STIM2: variants seen among roughly 807,000 people sequenced by gnomAD.
STIM2 encodes the protein stromal interaction molecule 2.
Under a neutral mutation model 85.8 loss-of-function variants are expected in STIM2, and 31 were observed. The ratio of observed to expected loss-of-function variants is 0.36; its 90% CI spans 0.27 to 0.49. STIM2 has a LOEUF of 0.49. Among genes scored for constraint, STIM2 ranks in the 20% least tolerant of loss-of-function variants. STIM2 has a pLI of 0.98. For missense variants in STIM2, 841 were observed against 927.6 expected (o/e 0.91, Z 1.21); for synonymous variants, 356 against 331.1 (o/e 1.08, Z -0.82).
At position 27,002,980 on chromosome 4, in the gene STIM2, T is replaced by C; in HGVS notation, c.857T>C (p.Leu286Ser). 2 of 1,601,380 alleles carry C rather than the reference T, an allele frequency of 1.2e-6. No individual in the cohort carries two copies. Among genetic ancestry groups the C allele is most frequent in the Non-Finnish European group, 1.7e-6 (2 of 1,175,668 alleles). Residue 286 changes from leucine to serine, a missense_variant, in exon 7 of 12, where the codon TTA becomes TCA. Around this residue, in one of 3 missense-constraint regions of STIM2, gnomAD observed 408 missense variants for 525.4 expected, o/e 0.78. Coordinates refer to ENST00000467087, the MANE Select transcript of STIM2 (RefSeq NM_020860.4). ...AATGTTGCTGTAGAAAAGCAAAATTTAGAGCGCAAAATGATGGATGAAATC... is the reference window on the plus strand; with the variant it reads ...AATGTTGCTGTAGAAAAGCAAAATTCAGAGCGCAAAATGATGGATGAAATC...
rs1305991597 is a variant in STIM2, at chr4:27,021,249, C to T, written c.1764-1270C>T. On this transcript the variant is annotated intron_variant, in intron 11 of 11. Coordinates refer to ENST00000467087, the MANE Select transcript of STIM2 (RefSeq NM_020860.4). ...CTTGTCCTTATTTATTTCTTTTTTT[C>T]TGGGATTCTGCCTATAAACAAGTTA... The T allele has an allele frequency of 8.9e-6, 5 of 559,126 alleles. No individual in the cohort carries two copies. In the East Asian group the frequency reaches 1.2e-4, roughly 14 times the overall value. 34.6% of individuals were successfully genotyped at this position (559,126 alleles called of 1,614,324 possible). A position where few individuals can be genotyped will look rare whatever the true frequency, so the allele number is the denominator to read the frequency against.
At chr4:26,982,358 T>C (rs1049051580) in intron 3 of STIM2, among the ~76,000 whole-genome samples, 1 of 152,212 alleles carries the variant, frequency 6.6e-6, no homozygotes, top group Non-Finnish European at 1.5e-5. Flanking sequence ...ATTTTGATGC[T>C]CAAATTGTCC....
At chr4:26,940,269 C>T (rs537897980) in intron 2 of STIM2, among the ~76,000 whole-genome samples, 5 of 152,202 alleles carry the variant, frequency 3.3e-5, no homozygotes, top group South Asian at 2.1e-4. Context: ...TGTATGTTTT[C>T]GGTAAGATTT....
intron 3 of STIM2, among the ~76,000 whole-genome samples, chr4:26,981,795 A>G (rs1727406079): frequency 6.6e-6 from 1 of 152,152 alleles, no homozygotes; most frequent in East Asian, 1.9e-4. Flanking sequence ...CAGGTTATGC[A>G]TTTTGGGCTG....
intron 1 of STIM2, among the ~76,000 whole-genome samples, chr4:26,898,413 G>T (rs1168627013): frequency 2.0e-5 from 3 of 152,024 alleles, no homozygotes; most frequent in Non-Finnish European, 4.4e-5. Context: ...TTGATCAGTG[G>T]GTTCAGGTAT....
intron 3 of STIM2, among the ~76,000 whole-genome samples, chr4:26,962,559 A>AGTGTGTGTGT (rs34301656): frequency 2.1e-5 from 3 of 142,618 alleles, no homozygotes; most frequent in African/African-American, 7.8e-5. Context: ...ACTTTAATGC[A>AGTGTGTGTGT]GTGTGTGTGT....
intron 3 of STIM2, among the ~76,000 whole-genome samples, chr4:26,977,486 G>T (rs1289736350): frequency 6.6e-6 from 1 of 152,148 alleles, no homozygotes; most frequent in Non-Finnish European, 1.5e-5. Flanking sequence ...GAGGAGAAGG[G>T]GTCAGGAGTA....
At chr4:26,895,612 C>T (rs540735666) in intron 1 of STIM2, among the ~76,000 whole-genome samples, 2 of 152,120 alleles carry the variant, frequency 1.3e-5, no homozygotes, top group East Asian at 3.9e-4. Flanking sequence ...TGTCCATAAC[C>T]CAGTTTCATC....
At chr4:26,956,508 A>G (rs1478044607) in intron 2 of STIM2, among the ~76,000 whole-genome samples, 4 of 151,112 alleles carry the variant, frequency 2.6e-5, no homozygotes, top group African/African-American at 4.9e-5. Flanking sequence ...CAGTGGTGCA[A>G]TCATAGCTCA....
chr4:26,917,158 G>C (rs779807529), intron 1 of STIM2, among the ~76,000 whole-genome samples: 3 of 152,120 alleles, frequency 2.0e-5, no homozygotes, highest in Admixed American at 6.5e-5. Flanking sequence ...AAGCTTAATC[G>C]AGTACAGCAT....
intron 2 of STIM2, among the ~76,000 whole-genome samples, chr4:26,944,437 G>A (rs1440986134): frequency 6.6e-6 from 1 of 152,240 alleles, no homozygotes; most frequent in East Asian, 1.9e-4. Flanking sequence ...TGCTCTCTGA[G>A]GGTAGGGATT....
At chr4:26,881,465 C>CA (rs33990831) in intron 1 of STIM2, 30,332 of 121,018 alleles carry the variant, frequency 0.25, 3,438 homozygotes, top group Admixed American at 0.29. Flanking sequence ...GACTCCATCT[C>CA]AAAAAAAAAA....
chr4:26,919,781 C>A, intron 2 of STIM2, 147 bp downstream of exon 2: 2 of 938,674 alleles, frequency 2.1e-6, no homozygotes, highest in Non-Finnish European at 3.1e-6. Flanking sequence ...TTAATTTTAC[C>A]CTTAATAAAC....
chr4:26,885,855 ATATATATATATATATATATG>A (rs1387148888), intron 1 of STIM2, among the ~76,000 whole-genome samples: 10 of 111,238 alleles, frequency 9.0e-5, no homozygotes, highest in African/African-American at 3.8e-4. Context: ...ATATATATAT[ATATATATATATATATATATG>A]TATATGTCTA....
chr4:26,947,245 A>G (rs1456596612), intron 2 of STIM2, among the ~76,000 whole-genome samples: 20 of 152,296 alleles, frequency 1.3e-4, no homozygotes, highest in Non-Finnish European at 1.5e-5. Context: ...CTGTTTTATT[A>G]GAGAGAACAC....
intron 2 of STIM2, among the ~76,000 whole-genome samples, chr4:26,927,862 T>A (rs570078417): frequency 7.3e-6 from 1 of 137,134 alleles, no homozygotes; most frequent in East Asian, 2.0e-4. Context: ...ATATAATTAT[T>A]ATATAAATTA....
At chr4:26,912,604 T>C (rs1724385674) in intron 1 of STIM2, among the ~76,000 whole-genome samples, 1 of 152,218 alleles carries the variant, frequency 6.6e-6, no homozygotes, top group Non-Finnish European at 1.5e-5. Context: ...AAATGTACCT[T>C]GTTTTACCTA....
At chr4:26,866,163 A>C (rs1722402296) in intron 1 of STIM2, among the ~76,000 whole-genome samples, 3 of 152,120 alleles carry the variant, frequency 2.0e-5, no homozygotes, top group Admixed American at 6.6e-5. Flanking sequence ...ATAGTTTTTC[A>C]ACCCTTACCC....
intron 1 of STIM2, among the ~76,000 whole-genome samples, chr4:26,884,667 A>G (rs1723145213): frequency 1.3e-5 from 2 of 152,372 alleles, no homozygotes; most frequent in African/African-American, 4.8e-5. Flanking sequence ...TGGCTGTAGT[A>G]GAAACACCCT....
Sources: gnomAD v4.1 joint callset for allele counts (sites outside exome capture counted in the v4.1 genomes callset) on GRCh38, gnomAD v4.1.1 for gene constraint, gnomAD v4.1.1 regional missense constraint, MANE v1.5 for transcripts, NCBI Gene and HGNC (gene_info 2026-07-23, HGNC 2026-07-21) for gene names.